The following GPRIN3 variants were observed in gnomAD, a reference collection of about 807,000 sequenced individuals.
GPRIN3 encodes G protein-regulated inducer of neurite outgrowth 3.
GPRIN3 carries 12 observed loss-of-function variants against 13.7 expected under a neutral mutation model. The ratio of observed to expected loss-of-function variants is 0.87; its 90% confidence interval spans 0.56 to 1.42. GPRIN3 has a LOEUF of 1.42. Among genes scored for constraint, GPRIN3 ranks in the 40% most tolerant of loss-of-function variants. The probability of loss-of-function intolerance (pLI) is 0.00; values close to 1 mark genes in which losing one functional copy is unlikely to be tolerated. For missense variants in GPRIN3, 1,009 were observed against 958.7 expected (o/e 1.05, Z -0.69); for synonymous variants, 377 against 372.7 (o/e 1.01, Z -0.13).
intron 1 of GPRIN3, among the ~76,000 whole-genome samples, chr4:89,285,824 A>G (rs1300611803): frequency 6.6e-6 from 1 of 152,174 alleles, no homozygotes; most frequent in Non-Finnish European, 1.5e-5. Flanking sequence ...GGGAATTACT[A>G]TGGATAAGTA....
intron 1 of GPRIN3, among the ~76,000 whole-genome samples, chr4:89,298,972 T>C (rs1724816660): frequency 6.6e-6 from 1 of 152,086 alleles, no homozygotes; most frequent in South Asian, 2.1e-4. Context: ...AAACCTATCA[T>C]TATAGTTCTA....
chr4:89,289,220 C>T (rs1227617113), intron 1 of GPRIN3, among the ~76,000 whole-genome samples: 5 of 150,974 alleles, frequency 3.3e-5, no homozygotes, highest in African/African-American at 7.3e-5. Context: ...TGTGCCTGGT[C>T]GTCTTCTATT....
At chr4:89,286,091 G>GTGTGTGTATATA (rs1039903535) in intron 1 of GPRIN3, among the ~76,000 whole-genome samples, 1 of 146,658 alleles carries the variant, frequency 6.8e-6, no homozygotes, top group African/African-American at 2.5e-5. Context: ...ATGTGTGTGT[G>GTGTGTGTATATA]TATATATATA....
At chr4:89,287,457 C>T (rs146147601) in intron 1 of GPRIN3, among the ~76,000 whole-genome samples, 37 of 152,216 alleles carry the variant, frequency 2.4e-4, no homozygotes, top group African/African-American at 5.1e-4. Flanking sequence ...GATAAATATT[C>T]GAGTTGGGTT....
chr4:89,259,761 C>T (rs1723575476), intron 1 of GPRIN3, among the ~76,000 whole-genome samples: 1 of 152,176 alleles, frequency 6.6e-6, no homozygotes. Flanking sequence ...CACTTGCTTG[C>T]CTTTTGGCAA....
intron 1 of GPRIN3, among the ~76,000 whole-genome samples, chr4:89,299,350 A>G (rs1724829738): frequency 6.6e-6 from 1 of 152,110 alleles, no homozygotes; most frequent in African/African-American, 2.4e-5. Context: ...ATGTTTTTAG[A>G]AATAAAGTAG....
chr4:89,297,189 T>A (rs1396666960), intron 1 of GPRIN3, among the ~76,000 whole-genome samples: 2 of 152,180 alleles, frequency 1.3e-5, no homozygotes, highest in African/African-American at 4.8e-5. Context: ...ACCTCAGAGA[T>A]TTCTTTAAAG....
At chr4:89,256,796 C>G (rs1320232602) in intron 1 of GPRIN3, among the ~76,000 whole-genome samples, 3 of 152,102 alleles carry the variant, frequency 2.0e-5, no homozygotes, top group Non-Finnish European at 4.4e-5. Context: ...CCTCAGAGAA[C>G]AGCAAGGCAA....
At chr4:89,306,918 C>T (rs539306339) in intron 1 of GPRIN3, among the ~76,000 whole-genome samples, 78 of 152,206 alleles carry the variant, frequency 5.1e-4, no homozygotes, top group Non-Finnish European at 1.5e-4. Context: ...ATGCCTACAT[C>T]GTTTCCATCT....
At chr4:89,262,808 C>T (rs894687996) in intron 1 of GPRIN3, among the ~76,000 whole-genome samples, 4 of 152,054 alleles carry the variant, frequency 2.6e-5, no homozygotes, top group African/African-American at 9.7e-5. Flanking sequence ...ATTTCTCTGC[C>T]CTGCCCACCC....
intron 1 of GPRIN3, among the ~76,000 whole-genome samples, chr4:89,305,924 G>A (rs1018424942): frequency 6.6e-6 from 1 of 152,074 alleles, no homozygotes; most frequent in Non-Finnish European, 1.5e-5. Flanking sequence ...AATCATTTTC[G>A]TAGAAGTCTA....
intron 1 of GPRIN3, among the ~76,000 whole-genome samples, chr4:89,278,454 T>C (rs1474718557): frequency 6.6e-6 from 1 of 152,200 alleles, no homozygotes; most frequent in Non-Finnish European, 1.5e-5. Flanking sequence ...TCAGTTTCTA[T>C]AAAATTATTA....
intron 1 of GPRIN3, among the ~76,000 whole-genome samples, chr4:89,260,498 C>T (rs767187145): frequency 8.5e-5 from 13 of 152,116 alleles, no homozygotes; most frequent in Admixed American, 1.3e-4. Flanking sequence ...AGTTAGGCAT[C>T]GCGAGTACAT....
rs113995736 is a variant in GPRIN3 at position 89,265,074 on chromosome 4, G to C, written c.-123-14841C>G. Reference sequence around the variant, plus strand: ...CTACAGTTTTTATGGTTTTCAGTTAGCTTTTACTAATTGCACTCAAAGATA... The same window carrying C: ...CTACAGTTTTTATGGTTTTCAGTTACCTTTTACTAATTGCACTCAAAGATA... On this transcript the variant is annotated intron_variant, in intron 1 of 1. Transcript: ENST00000609438. Among the ~76,000 whole-genome samples the C allele has an allele frequency of 7.8e-3, 1,188 of 152,228 alleles. 12 individuals are homozygous for C. The highest frequency in any genetic ancestry group is 0.027 in the African/African-American group (1,137 of 41,526).
intron 1 of GPRIN3, among the ~76,000 whole-genome samples, chr4:89,282,665 T>C (rs1438042770): frequency 3.3e-5 from 5 of 151,756 alleles, no homozygotes. Context: ...AAGACAATTA[T>C]TCCAGCGTGA....
In GPRIN3 at chr4:89,248,834, A is replaced by C. The variant is rs199627955; in HGVS notation, c.1277T>G (p.Val426Gly). The change falls in exon 2 of 2, where the codon GTC becomes GGC. Residue 426 changes from valine to glycine, a missense_variant. Transcript: ENST00000609438. ...ACACGTATGCTGGGCATTACTGGAG[A>C]CCAAATTGATTGATGAGGTTTTAAG... ...GVLKTSSINL[V>G]SSNAQHTCKE... is the part of the protein sequence containing the mutation. 6.2e-7 allele frequency: 1 copy of C among 1,614,114 alleles called. No homozygotes were observed. The highest frequency in any genetic ancestry group is 2.2e-5 in the East Asian group (1 of 44,880).
In GPRIN3 at chr4:89,249,677, G is replaced by A. The variant is rs760226637; in HGVS notation, c.434C>T (p.Ala145Val). The change falls in exon 2 of 2, where the codon GCC becomes GTC. Residue 145 changes from alanine to valine, a missense_variant. By Grantham distance (64) the Ala-to-Val change is moderately conservative. Coordinates refer to ENST00000609438, the MANE Select transcript of GPRIN3 (RefSeq NM_198281.3). ...ATCTTCAGGCATGGATGAGGTGATG[G>A]CATTGGGCTGATCACCTGGGATGGA... ...CQSIPGDQPNAITSSMPEDSL... is the reference protein window; with the variant it reads ...CQSIPGDQPNVITSSMPEDSL... 3 of 1,614,014 alleles carry A rather than the reference G, an allele frequency of 1.9e-6. No homozygotes were observed. The highest frequency in any genetic ancestry group is 2.5e-6 in the Non-Finnish European group (3 of 1,179,896).
chr4:89,255,385 A>G (rs547683034), intron 1 of GPRIN3, among the ~76,000 whole-genome samples: 1 of 152,214 alleles, frequency 6.6e-6, no homozygotes, highest in Admixed American at 6.5e-5. Context: ...TCTTTTAGAA[A>G]CCTTGGTATT....
rs954516429 is a variant in GPRIN3, at chr4:89,248,243, G to T, written c.1868C>A (p.Thr623Asn). Residue 623 changes from threonine (T) to asparagine (N), a missense_variant, in exon 2 of 2, where the codon ACC (threonine) becomes AAC (asparagine). Thr to Asn is a moderately conservative substitution (Grantham distance 65, BLOSUM62 0). Transcript: ENST00000609438. ...GCTGGCTTTGACGGAGCGAGATGGG[G>T]TCTTCTTGCCAGAACCTGGGCTGGA... Reference protein sequence around the residue: ...GDSSPGSGKKTPSRSVKASPR... With the variant: ...GDSSPGSGKKNPSRSVKASPR... 4 of 1,614,204 alleles carry T rather than the reference G, an allele frequency of 2.5e-6. No homozygotes were observed. Among genetic ancestry groups the T allele is most frequent in the Non-Finnish European group, 3.4e-6 (4 of 1,180,026 alleles).
Sources: allele counts gnomAD v4.1 joint callset (sites outside exome capture counted in the v4.1 genomes callset), GRCh38; gene constraint gnomAD v4.1.1; transcripts MANE v1.5; gene names NCBI Gene and HGNC (gene_info 2026-07-23, HGNC 2026-07-21).